PCDH15: variants seen among roughly 807,000 people sequenced by gnomAD.
PCDH15 encodes the protein protocadherin related 15.
In PCDH15, 129 loss-of-function variants were observed where a neutral mutation model predicts 178.5. That is an observed-to-expected ratio of 0.72 (90% CI 0.63 to 0.84). PCDH15 has a LOEUF of 0.84. Ranked by LOEUF, PCDH15 falls within the 40% of genes least tolerant of loss-of-function variation. The pLI is 0.00. For missense variants in PCDH15, 2,230 were observed against 2,099.9 expected (o/e 1.06, Z -1.21); for synonymous variants, 800 against 732.0 (o/e 1.09, Z -1.50).
intron 1 of PCDH15, among the ~76,000 whole-genome samples, chr10:55,238,096 T>C (rs1841435619): frequency 6.6e-6 from 1 of 151,902 alleles, no homozygotes; most frequent in Non-Finnish European, 1.5e-5. Flanking sequence ...AAGATTTAAC[T>C]TAAAAATAAG....
chr10:55,601,477 T>C (rs980965286), intron 2 of PCDH15, among the ~76,000 whole-genome samples: 3 of 152,090 alleles, frequency 2.0e-5, no homozygotes, highest in African/African-American at 7.2e-5. Context: ...GAGAAGTAGA[T>C]TTAAACTAGA....
chr10:54,801,778 A>T (rs1952662248), upstream of PCDH15, among the ~76,000 whole-genome samples: 1 of 152,202 alleles, frequency 6.6e-6, no homozygotes, highest in Non-Finnish European at 1.5e-5. Context: ...AGATTTTTAC[A>T]AACACGTGTG....
At chr10:55,611,911 G>A (rs1054651209) in intron 2 of PCDH15, among the ~76,000 whole-genome samples, 7 of 152,034 alleles carry the variant, frequency 4.6e-5, no homozygotes, top group African/African-American at 1.4e-4. Flanking sequence ...AGTGAAATAA[G>A]TCAGGTACAG....
At chr10:55,425,302 C>A (rs2132050204) in intron 2 of PCDH15, among the ~76,000 whole-genome samples, 1 of 151,758 alleles carries the variant, frequency 6.6e-6, no homozygotes, top group African/African-American at 2.4e-5. Flanking sequence ...GCTAATGCTG[C>A]AGAATAGGAA....
At chr10:53,808,941 T>A (rs1258367079) in intron 37 of PCDH15, 1 of 1,561,432 alleles carries the variant, frequency 6.4e-7, no homozygotes, top group South Asian at 1.2e-5. Flanking sequence ...CCACAGGGGC[T>A]GGTCCACTTT....
At chr10:54,054,346 A>ATT (rs1261701610) in intron 18 of PCDH15, among the ~76,000 whole-genome samples, 2 of 152,130 alleles carry the variant, frequency 1.3e-5, no homozygotes, top group East Asian at 3.8e-4. Flanking sequence ...AGATAAGGGG[A>ATT]AGACAGAATT....
intron 4 of PCDH15, among the ~76,000 whole-genome samples, chr10:54,376,432 A>T: frequency 6.6e-6 from 1 of 150,752 alleles, no homozygotes; most frequent in African/African-American, 2.4e-5. Context: ...ATAAAGGTAT[A>T]TATATTTACA....
chr10:53,970,039 G>T (rs1469379713), intron 21 of PCDH15, among the ~76,000 whole-genome samples: 1 of 152,144 alleles, frequency 6.6e-6, no homozygotes, highest in Non-Finnish European at 1.5e-5. Context: ...TGGGCTGAAT[G>T]CTCCAATTAA....
At chr10:55,224,034 T>G (rs2132188407) in intron 1 of PCDH15, among the ~76,000 whole-genome samples, 1 of 152,086 alleles carries the variant, frequency 6.6e-6, no homozygotes, top group East Asian at 1.9e-4. Context: ...GGTGAATCAC[T>G]TGAGTTCAGG....
chr10:54,018,470 T>C (rs191953282), intron 20 of PCDH15, among the ~76,000 whole-genome samples: 12 of 152,118 alleles, frequency 7.9e-5, no homozygotes, highest in African/African-American at 1.4e-4. Context: ...GGACTTTAAC[T>C]ATAATCACTT....
intron 1 of PCDH15, among the ~76,000 whole-genome samples, chr10:54,792,829 C>A (rs1457638123): frequency 1.3e-5 from 2 of 151,806 alleles, no homozygotes; most frequent in South Asian, 4.1e-4. Context: ...CTCCAGAGAA[C>A]CCTGACAAAT....
At chr10:53,957,501 A>ATGTTT (rs1554881334) in intron 23 of PCDH15, among the ~76,000 whole-genome samples, 5 of 57,098 alleles carry the variant, frequency 8.8e-5, no homozygotes, top group African/African-American at 2.2e-4. Context: ...TATATTTACT[A>ATGTTT]TGTTTTTTTT....
intron 1 of PCDH15, among the ~76,000 whole-genome samples, chr10:55,173,309 A>ATGTATGTGTGTGTG (rs1839388832): frequency 7.5e-6 from 1 of 133,066 alleles, no homozygotes; most frequent in Admixed American, 7.5e-5. Context: ...TAGAAAGATT[A>ATGTATGTGTGTGTG]TGTGTGTGTG....
chr10:55,570,446 T>C (rs1425136460), intron 2 of PCDH15, among the ~76,000 whole-genome samples: 1 of 152,006 alleles, frequency 6.6e-6, no homozygotes, highest in Non-Finnish European at 1.5e-5. Context: ...TTCATTTATT[T>C]TTAAATTTAA....
At position 53,898,218 on chromosome 10, in the gene PCDH15, C is replaced by T. The variant is rs543993997; in HGVS notation, c.3501+5025G>A. On this transcript the variant is annotated intron_variant, in intron 26 of 37. Coordinates refer to ENST00000644397, the MANE Select transcript of PCDH15 (RefSeq NM_001384140.1). Reference sequence around the variant, plus strand: ...TCCTGACCTCGTGATCCGCCCGCCTCGGCCTCCCAAAGTGCTGGGATTACA... The same window carrying T: ...TCCTGACCTCGTGATCCGCCCGCCTTGGCCTCCCAAAGTGCTGGGATTACA... Among the ~76,000 whole-genome samples the T allele has an allele frequency of 8.3e-3, 1,266 of 152,080 alleles. 8 individuals carry two copies. Among genetic ancestry groups the T allele is most frequent in the Admixed American group, 0.014 (216 of 15,286 alleles).
At chr10:54,379,023 C>G in intron 3 of PCDH15, 81 bp from the exon 4 acceptor site, 1 of 1,504,644 alleles carries the variant, frequency 6.6e-7, no homozygotes, top group Non-Finnish European at 9.2e-7. Context: ...TAAACCGCGG[C>G]TGGCTCACAA....
At chr10:54,611,493 G>C (rs563050335) in intron 2 of PCDH15, among the ~76,000 whole-genome samples, 4 of 151,706 alleles carry the variant, frequency 2.6e-5, no homozygotes, top group Admixed American at 1.3e-4. Flanking sequence ...GTTTTGTTCG[G>C]ATAATTAGAT....
At chr10:54,715,288 G>A (rs1318307840) in intron 1 of PCDH15, among the ~76,000 whole-genome samples, 1 of 152,122 alleles carries the variant, frequency 6.6e-6, no homozygotes, top group African/African-American at 2.4e-5. Context: ...AGGGAAGGTG[G>A]AGGCATAGGC....
chr10:54,226,796 C>T (rs1323014599), intron 9 of PCDH15, among the ~76,000 whole-genome samples: 3 of 152,192 alleles, frequency 2.0e-5, no homozygotes, highest in African/African-American at 4.8e-5. Flanking sequence ...TGGATAAATA[C>T]AGCCATTCCA....
Sources: gnomAD v4.1 joint callset for allele counts (sites outside exome capture counted in the v4.1 genomes callset) on GRCh38, gnomAD v4.1.1 for gene constraint, MANE v1.5 for transcripts, NCBI Gene and HGNC (gene_info 2026-07-23, HGNC 2026-07-21) for gene names.